Variants in FMN2 observed in about 807,000 individuals in gnomAD.
FMN2 encodes formin 2.
A neutral mutation model predicts 142.3 loss-of-function variants in FMN2; 51 were observed. The observed-to-expected ratio is 0.36, with a 90% CI of 0.29 to 0.45. The LOEUF (loss-of-function observed/expected upper bound fraction) is 0.45. Among genes scored for constraint, FMN2 ranks in the 20% least tolerant of loss-of-function variants. The pLI is 1.00. For synonymous variants in FMN2, 882 were observed against 869.8 expected (o/e 1.01, Z -0.25); for missense variants, 1,936 against 2,122.8 (o/e 0.91, Z 1.73).
At chr1:240,327,664 C>A (rs1671215763) in intron 8 of FMN2, among the ~76,000 whole-genome samples, 1 of 151,968 alleles carries the variant, frequency 6.6e-6, no homozygotes, top group African/African-American at 2.4e-5. Flanking sequence ...TCCAAATACT[C>A]TATAAAATAA....
At chr1:240,185,145 C>CTTCCCCTTCTCTTTCTCCCTCCTACACCT (rs1558345210) in intron 3 of FMN2, among the ~76,000 whole-genome samples, 1 of 54,022 alleles carries the variant, frequency 1.9e-5, no homozygotes, top group Admixed American at 1.6e-4. Context: ...CCTCCTATAC[C>CTTCCCCTTCTCTTTCTCCCTCCTACACCT]TTCCCCTTCT....
intron 13 of FMN2, among the ~76,000 whole-genome samples, chr1:240,341,681 A>C (rs61602600): frequency 0.062 from 9,375 of 152,238 alleles, 337 homozygotes; most frequent in South Asian, 0.12. Flanking sequence ...TCTGACCCCC[A>C]AAATCATTCA....
intron 6 of FMN2, among the ~76,000 whole-genome samples, chr1:240,216,326 C>T (rs1457080064): frequency 6.6e-6 from 1 of 152,162 alleles, no homozygotes; most frequent in Non-Finnish European, 1.5e-5. Flanking sequence ...ACATGATACC[C>T]AGAATGTAAA....
At position 240,221,849 on chromosome 1, in the gene FMN2, C is replaced by CTT. The variant is rs34473197; in HGVS notation, c.4065+10631_4065+10632dup. Among the ~76,000 whole-genome samples, 875 of 115,204 alleles carry CTT rather than the reference C, an allele frequency of 7.6e-3. 13 individuals are homozygous for CTT. The highest frequency in any genetic ancestry group is 0.026 in the South Asian group (85 of 3,258). The allele number at this position is 115,204 out of a possible 152,430, so 75.6% of individuals were successfully genotyped here. The stretch of plus-strand genomic sequence containing the variant: ...TATTGCCTAGGTTTTCTTCTAGGGA[C>CTT]TTTTTTTTTTTTTTTTTTAATGAAG... On this transcript the variant is annotated intron_variant, in intron 6 of 17. Coordinates refer to ENST00000319653, the MANE Select transcript of FMN2 (RefSeq NM_020066.5).
chr1:240,314,720 A>T (rs577601905), intron 8 of FMN2, among the ~76,000 whole-genome samples: 1 of 152,176 alleles, frequency 6.6e-6, no homozygotes, highest in African/African-American at 2.4e-5. Context: ...TTCTCCTTTT[A>T]TTATGACTTT....
rs112525002 is a variant in FMN2 at position 240,216,759 on chromosome 1, C to A, written c.4065+5524C>A. ...GGTCAGGAGTTTGAGACCAGCCTGA[C>A]AACATGGTGAAACCCTGTCTCTACT... On this transcript the variant is annotated intron_variant, in intron 6 of 17. Coordinates refer to ENST00000319653, the MANE Select transcript of FMN2 (RefSeq NM_020066.5). Among the ~76,000 whole-genome samples the A allele has an allele frequency of 3.1e-3, 472 of 152,118 alleles. 4 individuals are homozygous for A. Among genetic ancestry groups the A allele is most frequent in the African/African-American group, 0.011 (440 of 41,498 alleles).
At chr1:240,289,658 T>A (rs956990422) in intron 7 of FMN2, among the ~76,000 whole-genome samples, 4 of 152,004 alleles carry the variant, frequency 2.6e-5, no homozygotes, top group African/African-American at 9.7e-5. Context: ...CTAGCATGGG[T>A]GACAGAGTGA....
chr1:240,439,101 T>G (rs994925084), intron 16 of FMN2, among the ~76,000 whole-genome samples: 1 of 151,762 alleles, frequency 6.6e-6, no homozygotes, highest in Non-Finnish European at 1.5e-5. Flanking sequence ...GGCAAAACCC[T>G]GTCTGTACTA....
intron 8 of FMN2, among the ~76,000 whole-genome samples, chr1:240,321,333 T>G (rs550022379): frequency 4.4e-4 from 67 of 152,320 alleles, no homozygotes; most frequent in Middle Eastern, 6.8e-3. Context: ...AAAATTAGAA[T>G]GTTGGAAGTC....
chr1:240,310,702 T>G (rs1670576736), intron 8 of FMN2, among the ~76,000 whole-genome samples: 1 of 152,164 alleles, frequency 6.6e-6, no homozygotes, highest in Non-Finnish European at 1.5e-5. Context: ...TTCTGAATCT[T>G]GAAATATACT....
In FMN2 at chr1:240,290,865, A is replaced by G. The variant is rs529961462; in HGVS notation, c.4154-3957A>G. ...GAGTACAGAGGCATGATCTTGGCTC[A>G]CGTAGATCTTGGCCTAGGTAGATCT... On this transcript the variant is annotated intron_variant, in intron 7 of 17. Transcript: ENST00000319653. 2.3e-4 allele frequency among the ~76,000 whole-genome samples: 31 copies of G among 137,054 alleles called. No individual in the cohort carries two copies. The Admixed American group carries it at 2.5e-3, about 11-fold the overall frequency. 89.9% of individuals were successfully genotyped at this position (137,054 alleles called of 152,430 possible). A position where few individuals can be genotyped will look rare whatever the true frequency, so the allele number is the denominator to read the frequency against.
chr1:240,387,883 C>T (rs536401775), intron 14 of FMN2, among the ~76,000 whole-genome samples: 11 of 152,170 alleles, frequency 7.2e-5, no homozygotes, highest in Admixed American at 2.0e-4. Context: ...CTTATTAAAT[C>T]ATGAAACAGC....
In FMN2 at chr1:240,474,197, C is replaced by G; in HGVS notation, c.*43C>G. On this transcript the variant is annotated 3_prime_UTR_variant, in exon 18 of 18. Coordinates refer to ENST00000319653, the MANE Select transcript of FMN2 (RefSeq NM_020066.5). The stretch of plus-strand genomic sequence containing the variant: ...GAAAATGAGTCATTGCAACGACTTT[C>G]ACAAAATTCAGCTGACCTGAGAGTG... The G allele has an allele frequency of 6.6e-6, 10 of 1,522,790 alleles. No homozygotes were observed. Among genetic ancestry groups the G allele is most frequent in the Non-Finnish European group, 8.8e-6 (10 of 1,141,266 alleles). 94.3% of individuals were successfully genotyped at this position (1,522,790 alleles called of 1,614,324 possible).
chr1:240,212,053 A>G (rs1386803207), intron 6 of FMN2, among the ~76,000 whole-genome samples: 1 of 152,156 alleles, frequency 6.6e-6, no homozygotes, highest in Admixed American at 6.5e-5. Context: ...AAGCAAAGGA[A>G]TGGCAAGCAG....
chr1:240,191,414 C>T (rs1665692294), intron 4 of FMN2, among the ~76,000 whole-genome samples: 1 of 152,190 alleles, frequency 6.6e-6, no homozygotes, highest in Admixed American at 6.5e-5. Flanking sequence ...GTAGCTACTC[C>T]TTGAATGCTT....
chr1:240,191,317 A>G (rs980587350), intron 4 of FMN2, among the ~76,000 whole-genome samples: 1 of 152,208 alleles, frequency 6.6e-6, no homozygotes, highest in Admixed American at 6.5e-5. Flanking sequence ...CCTTTCCTCA[A>G]CTCACAGGAG....
chr1:240,457,943 G>C (rs909219418), intron 16 of FMN2: 1 of 152,406 alleles, frequency 6.6e-6, no homozygotes, highest in African/African-American at 2.4e-5. Flanking sequence ...TGAGGACTGA[G>C]AACTGACCTG....
intron 6 of FMN2, among the ~76,000 whole-genome samples, chr1:240,235,015 G>A (rs780115102): frequency 6.6e-6 from 1 of 152,088 alleles, no homozygotes; most frequent in Non-Finnish European, 1.5e-5. Context: ...AGCATCCTGT[G>A]TATGGCAACC....
chr1:240,425,804 G>C (rs114046534), intron 15 of FMN2, among the ~76,000 whole-genome samples: 2 of 152,082 alleles, frequency 1.3e-5, no homozygotes, highest in East Asian at 1.9e-4. Flanking sequence ...TCTTTGATTT[G>C]TTGACCCATT....
Sources: gnomAD v4.1 joint callset for allele counts (sites outside exome capture counted in the v4.1 genomes callset) on GRCh38, gnomAD v4.1.1 for gene constraint, MANE v1.5 for transcripts, NCBI Gene and HGNC (gene_info 2026-07-23, HGNC 2026-07-21) for gene names.